Variants in CYGB observed in about 807,000 individuals in gnomAD.
The protein encoded by CYGB is histoglobin.
Under a neutral mutation model 20.7 loss-of-function variants are expected in CYGB, and 13 were observed. The observed-to-expected ratio is 0.63, with a 90% CI of 0.41 to 1.00. The LOEUF is 1.00. Ranked by LOEUF, CYGB falls within the 50% of genes least tolerant of loss-of-function variation. The pLI is 0.00. For missense variants in CYGB, 218 were observed against 257.2 expected (o/e 0.85, Z 1.04); for synonymous variants, 93 against 107.4 (o/e 0.87, Z 0.83).
At chr17:76,532,335 C>G (rs1019066102) in intron 1 of CYGB, among the ~76,000 whole-genome samples, 4 of 152,126 alleles carry the variant, frequency 2.6e-5, no homozygotes, top group Admixed American at 6.5e-5. Context: ...TTTCTACTAC[C>G]CTTTTCCTGT....
upstream of CYGB, chr17:76,540,458 G>C: frequency 6.3e-7 from 1 of 1,598,962 alleles, no homozygotes; most frequent in Non-Finnish European, 8.6e-7. The surrounding 1 kb of genome is among the most constrained non-coding windows in gnomAD (Gnocchi z 5.0). Context: ...GACAGTGAGG[G>C]GCTGGGCACA....
chr17:76,529,065 CA>C, intron 3 of CYGB: 1 of 554,142 alleles, frequency 1.8e-6, no homozygotes, highest in South Asian at 8.4e-5. Context: ...ACCCCCCACC[CA>C]CGCAAAGGCG....
At chr17:76,547,648 CA>C (rs2075064820) in intron 1 of CYGB, among the ~76,000 whole-genome samples, 1 of 70,988 alleles carries the variant, frequency 1.4e-5, no homozygotes, top group Non-Finnish European at 2.5e-5. Flanking sequence ...CACATTCACA[CA>C]CACACACACA....
chr17:76,540,256 GGGGGGGGCAT>G, upstream of CYGB: 4 of 1,210,062 alleles, frequency 3.3e-6, no homozygotes, highest in Non-Finnish European at 4.8e-6. This position sits in a 1 kb window ranked among gnomAD's most constrained non-coding sequence, Gnocchi z 5.0. Context: ...TTGGTCGGGG[GGGGGGGGCAT>G]GGGGCTGGGC....
At position 76,531,425 on chromosome 17, in the gene CYGB, G is replaced by A. The variant is rs1451362811; in HGVS notation, c.375+35C>T. The A allele has an allele frequency of 6.3e-7, 1 of 1,589,334 alleles. No homozygotes were observed. The highest frequency in any genetic ancestry group is 8.6e-7 in the Non-Finnish European group (1 of 1,160,144). The stretch of plus-strand genomic sequence containing the variant: ...AGCTGCAGATGGCCATGACGCGTGG[G>A]CGGTGGGGGCTCTGCAGCAGATGGG... On this transcript the variant is annotated intron_variant, in intron 2 of 3. Transcript: ENST00000293230. The surrounding 1 kb of genome is among the most constrained non-coding windows in gnomAD (Gnocchi z 7.4).
At chr17:76,545,701 CT>C (rs2075047222) in intron 1 of CYGB, 1 of 283,232 alleles carries the variant, frequency 3.5e-6, no homozygotes, top group African/African-American at 2.2e-5. Context: ...CTACTGGTAT[CT>C]GTCTCTTAGA....
Position 76,528,668 on chromosome 17 carries a change from C to CG in CYGB, c.540-58dup, listed in dbSNP as rs1304572380. The CG allele has an allele frequency of 1.3e-5, 16 of 1,247,738 alleles. No individual in the cohort carries two copies. Among genetic ancestry groups the CG allele is most frequent in the Non-Finnish European group, 1.6e-5 (16 of 985,316 alleles). 77.3% of individuals were successfully genotyped at this position (1,247,738 alleles called of 1,614,324 possible). On this transcript the variant is annotated intron_variant, in intron 3 of 3. Coordinates refer to ENST00000293230, the MANE Select transcript of CYGB (RefSeq NM_134268.5). This position sits in a 1 kb window ranked among gnomAD's most constrained non-coding sequence, Gnocchi z 5.8. ...GTTACCAGAGGCAGGGAAGGACCCT[C>CG]GGGGGAAAGGGGGAGGACCTGGGGC... is the stretch of plus-strand genomic sequence containing the variant.
upstream of CYGB, chr17:76,540,088 CT>C: frequency 6.4e-7 from 1 of 1,556,824 alleles, no homozygotes. This position sits in a 1 kb window ranked among gnomAD's most constrained non-coding sequence, Gnocchi z 5.0. Flanking sequence ...ATTTTGGCCC[CT>C]CGCCTGTGGC....
chr17:76,540,120 G>A, upstream of CYGB: 1 of 1,593,406 alleles, frequency 6.3e-7, no homozygotes, highest in Non-Finnish European at 8.5e-7. The surrounding 1 kb of genome is among the most constrained non-coding windows in gnomAD (Gnocchi z 5.0). Flanking sequence ...CTTGGCCTGG[G>A]AGGGGATGGG....
intron 1 of CYGB, chr17:76,543,951 G>A (rs1293659857): frequency 2.1e-6 from 1 of 468,614 alleles, no homozygotes; most frequent in Admixed American, 2.3e-5. Flanking sequence ...GCAAGCGCGT[G>A]TGTTCCAAAC....
At chr17:76,538,524 G>T, upstream of CYGB, 1 of 465,610 alleles carries the variant, frequency 2.1e-6, no homozygotes, top group East Asian at 7.4e-5. Flanking sequence ...ACCAGCCGCT[G>T]CCCTGAATTC....
rs1394124055 is a variant in CYGB, at chr17:76,528,803, C to T, written c.540-192G>A. 1 of 1,087,324 alleles carries T rather than the reference C, an allele frequency of 9.2e-7. No individual in the cohort carries two copies. Among genetic ancestry groups the T allele is most frequent in the African/African-American group, 1.6e-5 (1 of 61,342 alleles). The allele number at this position is 1,087,324 out of a possible 1,614,324, so 67.4% of individuals were successfully genotyped here. On this transcript the variant is annotated intron_variant, in intron 3 of 3. Coordinates refer to ENST00000293230, the MANE Select transcript of CYGB (RefSeq NM_134268.5). The surrounding 1 kb of genome is among the most constrained non-coding windows in gnomAD (Gnocchi z 5.8). ...TACGAACGTGCTGTGTGATCTCAGG[C>T]AAGTCTACTGGCCCATGGGAGCTCC...
chr17:76,542,076 G>A (rs1034717031), upstream of CYGB, among the ~76,000 whole-genome samples: 7 of 152,176 alleles, frequency 4.6e-5, no homozygotes, highest in Non-Finnish European at 1.0e-4. Context: ...AATGGTTGTG[G>A]AAACTGAGGG....
Position 76,527,833 on chromosome 17 carries a change from G to A in CYGB, c.*745C>T, listed in dbSNP as rs540824000. 2.4e-5 allele frequency: 11 copies of A among 453,394 alleles called. No homozygotes were observed. The highest frequency in any genetic ancestry group is 4.0e-5 in the African/African-American group (2 of 49,974). 28.1% of individuals were successfully genotyped at this position (453,394 alleles called of 1,614,324 possible). ...TGCCCCTGCCCATTCTAGGACAGCC[G>A]GTGAGTCAGTTCCTCTGAGGGAGTA... On this transcript the variant is annotated 3_prime_UTR_variant, in exon 4 of 4. Coordinates refer to ENST00000293230, the MANE Select transcript of CYGB (RefSeq NM_134268.5).
upstream of CYGB, chr17:76,538,360 C>G (rs1197619260): frequency 2.9e-6 from 1 of 346,992 alleles, no homozygotes; most frequent in African/African-American, 2.2e-5. Flanking sequence ...GCCCACCGCC[C>G]CGGCTGTCGG....
At chr17:76,550,886 G>A (rs924622917) in exon 1 of CYGB, 2 of 152,246 alleles carry the variant, frequency 1.3e-5, no homozygotes, top group Non-Finnish European at 2.9e-5. Context: ...TGTGCTAAGT[G>A]CCCCGAAGCA....
At position 76,531,706 on chromosome 17, in the gene CYGB, A is replaced by G. The variant is rs751166799; in HGVS notation, c.144-15T>C. On this transcript the variant is annotated splice_polypyrimidine_tract_variant and intron_variant, in intron 1 of 3. Transcript: ENST00000293230. This position sits in a 1 kb window ranked among gnomAD's most constrained non-coding sequence, Gnocchi z 7.4. ...TCACAAAGAACCTGGCAAGAGGAAC[A>G]GGGGTGGTCGCTGAAGCTGGAGGCT... 1 of 1,573,678 alleles carries G rather than the reference A, an allele frequency of 6.4e-7. No individual in the cohort carries two copies. The highest frequency in any genetic ancestry group is 8.7e-7 in the Non-Finnish European group (1 of 1,151,892).
chr17:76,545,034 C>A lies in CYGB; in HGVS notation c.-53+5828G>T, dbSNP rs911883260. On this transcript the variant is annotated intron_variant, in intron 1 of 3. Coordinates refer to the CYGB transcript ENST00000589145. ...TGCCTGGGCTTGGAGGTTGCCTGGG[C>A]AGCTGGGGTGCCATGTGGGCCGGGT... 30 of 451,502 alleles carry A rather than the reference C, an allele frequency of 6.6e-5. No individual in the cohort carries two copies. In the Admixed American group the frequency reaches 6.8e-4, roughly 10 times the overall value. 28.0% of individuals were successfully genotyped at this position (451,502 alleles called of 1,614,324 possible).
intron 1 of CYGB, among the ~76,000 whole-genome samples, chr17:76,548,153 TCACA>T (rs1007344840): frequency 3.9e-4 from 58 of 150,400 alleles, no homozygotes; most frequent in African/African-American, 1.4e-3. Flanking sequence ...ACATACACAT[TCACA>T]CATACACACA....
Sources: allele counts gnomAD v4.1 joint callset (sites outside exome capture counted in the v4.1 genomes callset), GRCh38; gene constraint gnomAD v4.1.1; non-coding constraint Gnocchi (gnomAD v3.1); transcripts MANE v1.5; gene names NCBI Gene and HGNC (gene_info 2026-07-23, HGNC 2026-07-21).